KCNA6: variants seen among roughly 807,000 people sequenced by gnomAD.
KCNA6 encodes the protein potassium voltage-gated channel subfamily A member 6, also known as human brain potassium channel-2.
Under a neutral mutation model 29.5 loss-of-function variants are expected in KCNA6, and 17 were observed. The ratio of observed to expected loss-of-function variants is 0.58; its 90% CI spans 0.39 to 0.86. The LOEUF (loss-of-function observed/expected upper bound fraction) is 0.86. Ranked by LOEUF, KCNA6 falls within the 40% of genes least tolerant of loss-of-function variation. The probability of loss-of-function intolerance (pLI) is 0.00; values close to 1 mark genes in which losing one functional copy is unlikely to be tolerated. For missense variants in KCNA6, 450 were observed against 703.4 expected (o/e 0.64, Z 4.07); for synonymous variants, 296 against 304.7 (o/e 0.97, Z 0.30).
chr12:4,845,124 C>T, the KCNA6 span, among the ~76,000 whole-genome samples: 1 of 152,162 alleles, frequency 6.6e-6, no homozygotes, highest in Non-Finnish European at 1.5e-5. Flanking sequence ...AATCTTTTTC[C>T]TTCCCTTCTA....
At chr12:4,827,412 G>T in the KCNA6 span, among the ~76,000 whole-genome samples, 1 of 152,170 alleles carries the variant, frequency 6.6e-6, no homozygotes, top group Non-Finnish European at 1.5e-5. Flanking sequence ...TTGGCATTAT[G>T]ATGGGGAAAA....
chr12:4,846,498 A>G, the KCNA6 span, among the ~76,000 whole-genome samples: 1 of 148,296 alleles, frequency 6.7e-6, no homozygotes, highest in Non-Finnish European at 1.5e-5. Context: ...CCAGTGTTGT[A>G]TTTGTGTTTC....
the KCNA6 span, among the ~76,000 whole-genome samples, chr12:4,828,688 A>C: frequency 2.6e-5 from 4 of 152,182 alleles, no homozygotes; most frequent in Non-Finnish European, 1.5e-5. Context: ...CCCCGTTATT[A>C]TCTCCATTTC....
chr12:4,821,056 G>A, the KCNA6 span, among the ~76,000 whole-genome samples: 1 of 152,178 alleles, frequency 6.6e-6, no homozygotes, highest in Non-Finnish European at 1.5e-5. Context: ...GATGCCTTGG[G>A]AGGCAGAAAC....
In KCNA6 at chr12:4,811,523, C is replaced by T. The variant is rs767685880; in HGVS notation, c.1482C>T (p.Asn494=). The T allele has an allele frequency of 6.2e-6, 10 of 1,614,088 alleles. No individual in the cohort carries two copies. In the South Asian group the frequency reaches 6.6e-5, roughly 11 times the overall value. The stretch of plus-strand genomic sequence containing the variant: ...CGCCGGACCTGAGGGCAACTGACAA[C>T]GGACTTGGCAAGCCTGACTTCCCCG... The change falls in exon 1 of 1, where the codon AAC becomes AAT. Residue 494 remains asparagine, a synonymous_variant. Transcript: ENST00000280684. The surrounding 1 kb of genome is among the most constrained non-coding windows in gnomAD (Gnocchi z 7.1).
chr12:4,841,554 G>A, the KCNA6 span, among the ~76,000 whole-genome samples: 1 of 152,170 alleles, frequency 6.6e-6, no homozygotes, highest in South Asian at 2.1e-4. Context: ...GGAAGGTAAC[G>A]TATTTAAAGA....
the KCNA6 span, chr12:4,850,840 C>T: frequency 1.8e-5 from 8 of 453,722 alleles, no homozygotes; most frequent in Non-Finnish European, 2.7e-5. This position sits in a 1 kb window ranked among gnomAD's most constrained non-coding sequence, Gnocchi z 5.4. Flanking sequence ...TGCCTGGCAC[C>T]GCTGGCAGGC....
downstream of KCNA6, chr12:4,814,480 C>T (rs1946662811): frequency 1.2e-5 from 2 of 167,016 alleles, no homozygotes; most frequent in African/African-American, 2.4e-5. The surrounding 1 kb of genome is among the most constrained non-coding windows in gnomAD (Gnocchi z 4.6). Flanking sequence ...CTTAAGACAT[C>T]GAAGAAAAAC....
chr12:4,816,469 C>T (rs141155482), downstream of KCNA6, among the ~76,000 whole-genome samples: 455 of 152,104 alleles, frequency 3.0e-3, 2 homozygotes, highest in African/African-American at 0.01. Flanking sequence ...TACAGGACTA[C>T]GGTCTTGAGC....
At chr12:4,825,378 A>G in the KCNA6 span, among the ~76,000 whole-genome samples, 1 of 152,274 alleles carries the variant, frequency 6.6e-6, no homozygotes, top group South Asian at 2.1e-4. Context: ...CAGTAAAACT[A>G]TTTCACTTCT....
the KCNA6 span, among the ~76,000 whole-genome samples, chr12:4,837,447 G>A: frequency 6.6e-6 from 1 of 152,266 alleles, no homozygotes; most frequent in Admixed American, 6.5e-5. Context: ...ACAACCTGGG[G>A]CTTGTGACTG....
the KCNA6 span, among the ~76,000 whole-genome samples, chr12:4,824,095 G>A: frequency 6.6e-6 from 1 of 152,194 alleles, no homozygotes; most frequent in South Asian, 2.1e-4. Context: ...TTTCTCCTCT[G>A]TAAAACTGGG....
At chr12:4,829,433 T>C in the KCNA6 span, among the ~76,000 whole-genome samples, 1 of 152,194 alleles carries the variant, frequency 6.6e-6, no homozygotes, top group Non-Finnish European at 1.5e-5. Flanking sequence ...ATTGCTCTTA[T>C]TGCTCGCTAA....
chr12:4,828,994 C>A, the KCNA6 span, among the ~76,000 whole-genome samples: 20 of 152,208 alleles, frequency 1.3e-4, no homozygotes, highest in African/African-American at 4.3e-4. Context: ...CTTGGGGTCT[C>A]TGTGTTTGTG....
At chr12:4,814,395 G>C (rs75327717), downstream of KCNA6, 2,041 of 167,198 alleles carry the variant, frequency 0.012, 21 homozygotes, top group Non-Finnish European at 0.014. The surrounding 1 kb of genome is among the most constrained non-coding windows in gnomAD (Gnocchi z 4.6). Flanking sequence ...CTCCACGAGA[G>C]GCGGAGAATT....
At chr12:4,816,446 A>C (rs963661869), downstream of KCNA6, among the ~76,000 whole-genome samples, 1 of 152,160 alleles carries the variant, frequency 6.6e-6, no homozygotes, top group Non-Finnish European at 1.5e-5. Context: ...TATATGTTGA[A>C]CATTATTCAT....
At chr12:4,848,533 CT>C in the KCNA6 span, among the ~76,000 whole-genome samples, 7 of 148,058 alleles carry the variant, frequency 4.7e-5, no homozygotes, top group African/African-American at 1.5e-4. Flanking sequence ...AAAAATCCAA[CT>C]TTAAAAAAAT....
chr12:4,814,512 A>C (rs985128005), downstream of KCNA6: 1 of 167,088 alleles, frequency 6.0e-6, no homozygotes, highest in African/African-American at 2.4e-5. The surrounding 1 kb of genome is among the most constrained non-coding windows in gnomAD (Gnocchi z 4.6). Context: ...AGCTCGACCT[A>C]GTTTCTGTGA....
At chr12:4,820,546 AACACACACACACACACACACAC>A in the KCNA6 span, among the ~76,000 whole-genome samples, 1 of 134,762 alleles carries the variant, frequency 7.4e-6, no homozygotes, top group Admixed American at 7.4e-5. Context: ...GGATTACCTA[AACACACACACACACACACACAC>A]ACACACACAC....
Sources: gnomAD v4.1 joint callset for allele counts (sites outside exome capture counted in the v4.1 genomes callset) on GRCh38, gnomAD v4.1.1 for gene constraint, Gnocchi (gnomAD v3.1) non-coding constraint, MANE v1.5 for transcripts, NCBI Gene and HGNC (gene_info 2026-07-23, HGNC 2026-07-21) for gene names.